DCC: variants seen among roughly 807,000 people sequenced by gnomAD.
The protein encoded by DCC is DCC netrin 1 receptor.
Under a neutral mutation model 172.5 loss-of-function variants are expected in DCC, and 58 were observed. That is an observed-to-expected ratio of 0.34 (90% confidence interval 0.27 to 0.42). The LOEUF (loss-of-function observed/expected upper bound fraction) is 0.42. Ranked by LOEUF, DCC falls within the 10% of genes least tolerant of loss-of-function variation. The pLI, the probability that DCC is intolerant of heterozygous loss-of-function variation, is 1.00. For synonymous variants in DCC, 709 were observed against 644.5 expected (o/e 1.10, Z -1.52); for missense variants, 1,740 against 1,791.0 (o/e 0.97, Z 0.51).
chr18:53,257,540 C>A (rs1485546960), intron 12 of DCC, among the ~76,000 whole-genome samples: 1 of 152,136 alleles, frequency 6.6e-6, no homozygotes, highest in Non-Finnish European at 1.5e-5. Context: ...GTTGAACCAG[C>A]CTTGCATCCC....
intron 9 of DCC, among the ~76,000 whole-genome samples, chr18:53,180,265 A>C (rs541462602): frequency 6.6e-6 from 1 of 152,342 alleles, no homozygotes; most frequent in East Asian, 1.9e-4. Flanking sequence ...ATTGGAATAA[A>C]GTATTAATTG....
At chr18:53,383,489 T>C (rs1468272263) in intron 15 of DCC, among the ~76,000 whole-genome samples, 2 of 149,770 alleles carry the variant, frequency 1.3e-5, no homozygotes, top group Non-Finnish European at 3.0e-5. Flanking sequence ...ACTGAACCCA[T>C]TTGACATGAT....
rs149538023 is a variant in DCC at position 52,442,235 on chromosome 18, C to T, written c.91+101357C>T. ...TCTCTAATTTCTCATCTGTCAAGAACAGTTAGAACTGTGTAGAGTTTTCAT... is the reference window on the plus strand; with the variant it reads ...TCTCTAATTTCTCATCTGTCAAGAATAGTTAGAACTGTGTAGAGTTTTCAT... On this transcript the variant is annotated intron_variant, in intron 1 of 28. Coordinates refer to ENST00000442544, the MANE Select transcript of DCC (RefSeq NM_005215.4). Among the ~76,000 whole-genome samples the T allele has an allele frequency of 1.2e-4, 19 of 152,224 alleles. No homozygotes were observed. The East Asian group carries it at 3.1e-3, about 25-fold the overall frequency.
At position 53,407,225 on chromosome 18, in the gene DCC, A is replaced by C. The variant is rs1207188127; in HGVS notation, c.2936-3227A>C. The stretch of plus-strand genomic sequence containing the variant: ...TTTTCCAGTTTCATCATGCACTTAA[A>C]ACAGCCCATGAAAATTTTTAACGAT... On this transcript the variant is annotated intron_variant, in intron 19 of 28. Coordinates refer to ENST00000442544, the MANE Select transcript of DCC (RefSeq NM_005215.4). Among the ~76,000 whole-genome samples the C allele has an allele frequency of 2.0e-5, 3 of 152,110 alleles. No homozygotes were observed. The East Asian group carries it at 5.8e-4, about 29-fold the overall frequency.
At chr18:52,817,304 T>C (rs1047536243) in intron 2 of DCC, among the ~76,000 whole-genome samples, 1 of 152,142 alleles carries the variant, frequency 6.6e-6, no homozygotes, top group Non-Finnish European at 1.5e-5. Context: ...TTATATTACA[T>C]TGATTATTTT....
intron 11 of DCC, among the ~76,000 whole-genome samples, chr18:53,208,752 C>T (rs184498415): frequency 1.4e-4 from 21 of 152,128 alleles, no homozygotes; most frequent in Admixed American, 8.5e-4. Context: ...TTTTTGGAAA[C>T]GGAGTCTCGC....
intron 1 of DCC, among the ~76,000 whole-genome samples, chr18:52,566,401 G>A (rs1487546882): frequency 6.6e-6 from 1 of 152,040 alleles, no homozygotes; most frequent in Non-Finnish European, 1.5e-5. Context: ...ATAGCATTAG[G>A]AGAAATACCT....
intron 2 of DCC, among the ~76,000 whole-genome samples, chr18:52,776,005 T>C (rs2037424980): frequency 6.6e-6 from 1 of 152,174 alleles, no homozygotes; most frequent in South Asian, 2.1e-4. Context: ...AGGGAACTTC[T>C]TTCTCACTCA....
chr18:52,852,379 C>T (rs1468529501), intron 2 of DCC, among the ~76,000 whole-genome samples: 1 of 152,116 alleles, frequency 6.6e-6, no homozygotes, highest in Non-Finnish European at 1.5e-5. Flanking sequence ...TGTTATTTAA[C>T]TTTCATCCAT....
In DCC at chr18:53,066,103, T is replaced by C; in HGVS notation, c.1198T>C (p.Cys400Arg). ...VVKSDEGFYQ[C>R]VAENEAGNAQ... ...GAAGTCAGATGAAGGCTTTTATCAA[T>C]GTGTGGCTGAAAATGAGGCTGGAAA... The change falls in exon 7 of 29, where the codon TGT (cysteine) becomes CGT (arginine). Residue 400 changes from cysteine (C) to arginine (R), a missense_variant. By Grantham distance (180) the Cys-to-Arg change is radical. Around this residue, in one of 2 missense-constraint regions of DCC, gnomAD observed 1,732 missense variants for 1,767.4 expected, o/e 0.98. Transcript: ENST00000442544. The C allele has an allele frequency of 6.2e-7, 1 of 1,613,462 alleles. No individual in the cohort carries two copies. Among genetic ancestry groups the C allele is most frequent in the Non-Finnish European group, 8.5e-7 (1 of 1,179,638 alleles).
chr18:53,378,771 C>T (rs1396572495), intron 15 of DCC, among the ~76,000 whole-genome samples: 2 of 152,108 alleles, frequency 1.3e-5, no homozygotes, highest in African/African-American at 4.8e-5. Flanking sequence ...ATTTTTCTTC[C>T]TTGGAGTCAA....
chr18:53,519,527 T>C (rs2046376142), intron 27 of DCC, among the ~76,000 whole-genome samples: 1 of 141,462 alleles, frequency 7.1e-6, no homozygotes, highest in Non-Finnish European at 1.6e-5. Flanking sequence ...CAAAATGAAG[T>C]GTTTTTTTTT....
intron 1 of DCC, among the ~76,000 whole-genome samples, chr18:52,634,405 T>C (rs1218082749): frequency 5.9e-5 from 9 of 152,220 alleles, no homozygotes; most frequent in Non-Finnish European, 1.2e-4. Flanking sequence ...ACCAAAGTAG[T>C]ATCACATTAA....
chr18:52,550,861 G>T (rs190405240), intron 1 of DCC, among the ~76,000 whole-genome samples: 1 of 151,646 alleles, frequency 6.6e-6, no homozygotes, highest in Non-Finnish European at 1.5e-5. Context: ...AACTCTGTAC[G>T]ATCTTCACAA....
rs558153715 is a variant in DCC at position 53,018,248 on chromosome 18, A to G, written c.986-45057A>G. Among the ~76,000 whole-genome samples, 9 of 152,340 alleles carry G rather than the reference A, an allele frequency of 5.9e-5. 1 individual carries two copies. In the South Asian group the frequency reaches 1.2e-3, roughly 21 times the overall value. On this transcript the variant is annotated intron_variant, in intron 5 of 28. Transcript: ENST00000442544. Reference sequence around the variant, plus strand: ...GGCAACATGACACCAACTCCTGTATATAAAACAAATTTGTAGAAATAAATA... The same window carrying G: ...GGCAACATGACACCAACTCCTGTATGTAAAACAAATTTGTAGAAATAAATA...
intron 9 of DCC, among the ~76,000 whole-genome samples, chr18:53,180,809 C>T (rs187708709): frequency 7.9e-5 from 12 of 152,160 alleles, no homozygotes; most frequent in Admixed American, 4.6e-4. Context: ...GACGAGCTTT[C>T]ACCATTTTGG....
chr18:53,027,628 T>C (rs2143945251), intron 5 of DCC, among the ~76,000 whole-genome samples: 1 of 152,290 alleles, frequency 6.6e-6, no homozygotes, highest in East Asian at 1.9e-4. Context: ...TGGACACATC[T>C]GAGATGTCAC....
At chr18:52,772,955 T>C (rs2037367746) in intron 2 of DCC, among the ~76,000 whole-genome samples, 1 of 152,210 alleles carries the variant, frequency 6.6e-6, no homozygotes, top group African/African-American at 2.4e-5. Flanking sequence ...GCAAATTGTT[T>C]GGTTGTTTGG....
intron 20 of DCC, among the ~76,000 whole-genome samples, chr18:53,411,397 T>G (rs1909980643): frequency 6.6e-6 from 1 of 152,168 alleles, no homozygotes; most frequent in Non-Finnish European, 1.5e-5. Context: ...ATATTTAAAG[T>G]TGTATATTTA....
Sources: allele counts gnomAD v4.1 joint callset (sites outside exome capture counted in the v4.1 genomes callset), GRCh38; gene constraint gnomAD v4.1.1; regional missense constraint gnomAD v4.1.1; transcripts MANE v1.5; gene names NCBI Gene and HGNC (gene_info 2026-07-23, HGNC 2026-07-21).